Variants in CACNA2D3 observed in about 807,000 individuals in gnomAD.
The protein encoded by CACNA2D3 is voltage-dependent calcium channel subunit alpha-2/delta-3.
CACNA2D3 carries 60 observed loss-of-function variants against 160.6 expected under a neutral mutation model. The observed-to-expected ratio is 0.37, with a 90% confidence interval of 0.30 to 0.46. The LOEUF (loss-of-function observed/expected upper bound fraction) is 0.46. Among genes scored for constraint, CACNA2D3 ranks in the 20% least tolerant of loss-of-function variants. The probability of loss-of-function intolerance (pLI) is 1.00; values close to 1 mark genes in which losing one functional copy is unlikely to be tolerated. For missense variants in CACNA2D3, 1,205 were observed against 1,365.0 expected, an observed-to-expected ratio of 0.88 and a Z score of 1.85; for synonymous variants, 558 against 492.9, an observed-to-expected ratio of 1.13 and a Z score of -1.75.
At chr3:54,271,952 ATTC>A (rs1372437255) in intron 2 of CACNA2D3, among the ~76,000 whole-genome samples, 7 of 152,250 alleles carry the variant, frequency 4.6e-5, no homozygotes, top group Admixed American at 2.6e-4. Flanking sequence ...GGCTTGGGCA[ATTC>A]TTCAGGGAGT....
intron 2 of CACNA2D3, among the ~76,000 whole-genome samples, chr3:54,292,628 A>G (rs1278419781): frequency 6.6e-6 from 1 of 152,230 alleles, no homozygotes; most frequent in Admixed American, 6.5e-5. Flanking sequence ...CAGTCAGATA[A>G]CAACACTTCA....
At chr3:54,557,606 G>T (rs893127003) in intron 5 of CACNA2D3, among the ~76,000 whole-genome samples, 1 of 152,158 alleles carries the variant, frequency 6.6e-6, no homozygotes, top group Admixed American at 6.5e-5. Context: ...TTATGACGCC[G>T]ACATAATTGA....
intron 13 of CACNA2D3, among the ~76,000 whole-genome samples, chr3:54,799,801 G>A (rs1363952002): frequency 1.3e-5 from 2 of 152,110 alleles, no homozygotes; most frequent in African/African-American, 4.8e-5. Flanking sequence ...GCCTCACACA[G>A]CAAGTCCCAT....
intron 4 of CACNA2D3, among the ~76,000 whole-genome samples, chr3:54,481,161 G>A (rs1177529346): frequency 1.3e-5 from 2 of 152,212 alleles, no homozygotes; most frequent in South Asian, 2.1e-4. Context: ...TGAAAGAGTG[G>A]CCTCTGGCTA....
intron 4 of CACNA2D3, among the ~76,000 whole-genome samples, chr3:54,484,351 T>G (rs1700981164): frequency 1.3e-5 from 2 of 152,178 alleles, no homozygotes; most frequent in East Asian, 3.8e-4. Context: ...CACCGCACAT[T>G]AGGCACACCA....
At chr3:54,179,517 G>A (rs371948192) in intron 2 of CACNA2D3, among the ~76,000 whole-genome samples, 9 of 152,310 alleles carry the variant, frequency 5.9e-5, no homozygotes, top group Admixed American at 3.3e-4. Flanking sequence ...GAGGAAACGC[G>A]TAATTGGGGG....
chr3:54,332,729 A>T (rs763860868), intron 3 of CACNA2D3, among the ~76,000 whole-genome samples: 1 of 152,126 alleles, frequency 6.6e-6, no homozygotes, highest in South Asian at 2.1e-4. Context: ...GTCCTGAGCT[A>T]CCTTCATTCG....
intron 3 of CACNA2D3, among the ~76,000 whole-genome samples, chr3:54,356,922 T>C (rs1403779646): frequency 6.6e-6 from 1 of 152,172 alleles, no homozygotes; most frequent in Non-Finnish European, 1.5e-5. Flanking sequence ...CAGGGAAAAT[T>C]CTTCCTGGTA....
intron 2 of CACNA2D3, among the ~76,000 whole-genome samples, chr3:54,309,685 T>C (rs906088031): frequency 5.3e-5 from 8 of 151,944 alleles, no homozygotes; most frequent in Non-Finnish European, 1.2e-4. Flanking sequence ...CTGAGGGGGG[T>C]GTCAGAAGGC....
At chr3:54,478,805 G>C (rs1445097720) in intron 4 of CACNA2D3, among the ~76,000 whole-genome samples, 2 of 150,056 alleles carry the variant, frequency 1.3e-5, no homozygotes, top group African/African-American at 2.4e-5. Context: ...CAGATCTGCT[G>C]TTGTGGTATG....
chr3:54,878,935 C>G (rs771623650), intron 18 of CACNA2D3, 83 bp from the exon 19 acceptor site: 1 of 759,152 alleles, frequency 1.3e-6, no homozygotes, highest in Non-Finnish European at 2.1e-6. Flanking sequence ...TATGGAGGCT[C>G]CACTGCACGC....
At chr3:54,857,394 G>A (rs1454002380) in intron 17 of CACNA2D3, among the ~76,000 whole-genome samples, 2 of 152,122 alleles carry the variant, frequency 1.3e-5, no homozygotes, top group Non-Finnish European at 2.9e-5. Context: ...GGCTTTCTCT[G>A]GCTTCTGTAG....
intron 4 of CACNA2D3, among the ~76,000 whole-genome samples, chr3:54,480,971 T>C (rs1700923584): frequency 6.6e-6 from 1 of 152,202 alleles, no homozygotes; most frequent in Non-Finnish European, 1.5e-5. Context: ...TTCCTCTCTA[T>C]AATGACCACA....
intron 14 of CACNA2D3, among the ~76,000 whole-genome samples, chr3:54,822,836 C>CTTTCCTTCTTTCTTTCT (rs1703667228): frequency 1.2e-5 from 1 of 82,872 alleles, no homozygotes; most frequent in African/African-American, 5.7e-5. Context: ...TCTTTCTTTT[C>CTTTCCTTCTTTCTTTCT]TTTCTTTCTT....
chr3:54,878,935 C>T (rs771623650), intron 18 of CACNA2D3, 83 bp from the exon 19 acceptor site: 1 of 759,152 alleles, frequency 1.3e-6, no homozygotes, highest in East Asian at 2.7e-5. Flanking sequence ...TATGGAGGCT[C>T]CACTGCACGC....
chr3:54,151,719 T>C (rs1253561895), intron 2 of CACNA2D3, among the ~76,000 whole-genome samples: 1 of 152,196 alleles, frequency 6.6e-6, no homozygotes. Context: ...GGCATACTTA[T>C]TCTTCTGTGA....
intron 14 of CACNA2D3, among the ~76,000 whole-genome samples, chr3:54,822,786 CTTTCCTTT>C (rs1447741987): frequency 4.5e-3 from 321 of 71,488 alleles, no homozygotes; most frequent in Middle Eastern, 0.02. Flanking sequence ...TTCTTTCTTT[CTTTCCTTT>C]CTTTCTTTCT....
Position 54,610,720 on chromosome 3 carries a change from C to T in CACNA2D3, c.964-17067C>T, listed in dbSNP as rs1698735160. ...CTCACTGTAACTGTAACCACCGCCTCCCAGATTCAAGTGATTCTTCTGCCT... is the reference window on the plus strand; with the variant it reads ...CTCACTGTAACTGTAACCACCGCCTTCCAGATTCAAGTGATTCTTCTGCCT... On this transcript the variant is annotated intron_variant, in intron 9 of 37. Transcript: ENST00000474759. Among the ~76,000 whole-genome samples, 3 of 152,068 alleles carry T rather than the reference C, an allele frequency of 2.0e-5. No homozygotes were observed. In the South Asian group the frequency reaches 6.2e-4, roughly 32 times the overall value.
intron 29 of CACNA2D3, among the ~76,000 whole-genome samples, chr3:54,983,568 T>C (rs1018650435): frequency 1.3e-5 from 2 of 152,184 alleles, no homozygotes; most frequent in Non-Finnish European, 2.9e-5. Context: ...AGCAGCCAAC[T>C]CTTTTATAAG....
Sources: gnomAD v4.1 joint callset for allele counts (sites outside exome capture counted in the v4.1 genomes callset) on GRCh38, gnomAD v4.1.1 for gene constraint, MANE v1.5 for transcripts, NCBI Gene and HGNC (gene_info 2026-07-23, HGNC 2026-07-21) for gene names.